The following TMEM135 variants were observed in gnomAD, a reference collection of about 807,000 sequenced individuals.
TMEM135 encodes the protein transmembrane protein 135.
TMEM135 carries 30 observed loss-of-function variants against 60.3 expected under a neutral mutation model. The observed-to-expected ratio is 0.50, with a 90% CI of 0.37 to 0.68. TMEM135 has a LOEUF of 0.68. Ranked by LOEUF, TMEM135 falls within the 30% of genes least tolerant of loss-of-function variation. TMEM135 has a pLI of 0.00. For missense variants in TMEM135, 468 were observed against 548.8 expected (o/e 0.85, Z 1.47); for synonymous variants, 190 against 186.7 (o/e 1.02, Z -0.14).
intron 5 of TMEM135, among the ~76,000 whole-genome samples, chr11:87,206,860 A>G (rs975381917): frequency 1.1e-4 from 17 of 152,126 alleles, no homozygotes; most frequent in African/African-American, 3.9e-4. Context: ...CTCTGTGCCT[A>G]GAGGCTTTAT....
rs546140257 is a variant in TMEM135, at chr11:87,328,470, G to T, written c.*7137G>T. On this transcript the variant is annotated 3_prime_UTR_variant, in exon 15 of 15. Coordinates refer to ENST00000305494, the MANE Select transcript of TMEM135 (RefSeq NM_022918.4). The stretch of plus-strand genomic sequence containing the variant: ...AGTGCACCTGTCACCAGAATAGTGT[G>T]CATTGTACCCAATATATAGCTTTTT... 2.2e-6 allele frequency: 1 copy of T among 454,062 alleles called. No homozygotes were observed. The highest frequency in any genetic ancestry group is 4.4e-6 in the Non-Finnish European group (1 of 226,772). 28.1% of individuals were successfully genotyped at this position (454,062 alleles called of 1,614,324 possible).
At chr11:87,254,770 A>G (rs1459314115) in intron 6 of TMEM135, among the ~76,000 whole-genome samples, 1 of 152,134 alleles carries the variant, frequency 6.6e-6, no homozygotes, top group Non-Finnish European at 1.5e-5. Flanking sequence ...ATTTGGAGCT[A>G]GAGTTCAGTG....
intron 4 of TMEM135, among the ~76,000 whole-genome samples, chr11:87,118,295 G>A (rs1857942633): frequency 6.6e-6 from 1 of 152,128 alleles, no homozygotes; most frequent in Non-Finnish European, 1.5e-5. Flanking sequence ...TTCTCTAAAG[G>A]TTTGAAGCCA....
intron 5 of TMEM135, chr11:87,178,309 G>A (rs11235005): frequency 0.011 from 4,730 of 426,988 alleles, 39 homozygotes; most frequent in Non-Finnish European, 0.017. Flanking sequence ...CCTGTGCCAG[G>A]AACTAGGAAC....
intron 6 of TMEM135, among the ~76,000 whole-genome samples, chr11:87,287,434 T>G (rs2135426262): frequency 6.6e-6 from 1 of 152,292 alleles, no homozygotes; most frequent in Middle Eastern, 3.4e-3. Context: ...ATCCCAGCAC[T>G]TTGGGAGGCT....
chr11:87,058,709 T>G (rs1949917384), intron 1 of TMEM135, among the ~76,000 whole-genome samples: 1 of 152,174 alleles, frequency 6.6e-6, no homozygotes, highest in Admixed American at 6.5e-5. Context: ...AAGCCCCACC[T>G]CCTGGGTTCA....
intron 3 of TMEM135, among the ~76,000 whole-genome samples, chr11:87,089,188 A>G (rs1219056672): frequency 6.6e-6 from 1 of 152,214 alleles, no homozygotes; most frequent in Non-Finnish European, 1.5e-5. Flanking sequence ...AAACACTTCT[A>G]GTCTCAGGCA....
At chr11:87,057,813 GTGTT>G (rs369159802) in intron 1 of TMEM135, among the ~76,000 whole-genome samples, 4 of 151,492 alleles carry the variant, frequency 2.6e-5, no homozygotes, top group Non-Finnish European at 4.4e-5. Flanking sequence ...GTGTGTGTGT[GTGTT>G]TGTGTGTGTG....
chr11:87,182,939 A>G (rs1939555643), intron 5 of TMEM135, among the ~76,000 whole-genome samples: 1 of 152,166 alleles, frequency 6.6e-6, no homozygotes, highest in South Asian at 2.1e-4. Flanking sequence ...GGTATTAGAT[A>G]GAATTTTTAA....
At chr11:87,057,795 C>CTGTG (rs35519502) in intron 1 of TMEM135, among the ~76,000 whole-genome samples, 10 of 75,678 alleles carry the variant, frequency 1.3e-4, no homozygotes, top group South Asian at 7.8e-4. Flanking sequence ...ACAGAAGCCT[C>CTGTG]TGTGTGTGTG....
At chr11:87,142,505 C>G (rs1027549149) in intron 4 of TMEM135, among the ~76,000 whole-genome samples, 1 of 152,178 alleles carries the variant, frequency 6.6e-6, no homozygotes, top group Admixed American at 6.6e-5. Context: ...GATTGACAAT[C>G]CGGCATCTAC....
At chr11:87,064,890 A>G (rs980599583) in intron 1 of TMEM135, among the ~76,000 whole-genome samples, 2 of 152,220 alleles carry the variant, frequency 1.3e-5, no homozygotes, top group African/African-American at 4.8e-5. Flanking sequence ...GTCTCAAAAA[A>G]GAAACCCAAA....
chr11:87,057,663 C>G (rs1304752825), intron 1 of TMEM135, among the ~76,000 whole-genome samples: 1 of 152,038 alleles, frequency 6.6e-6, no homozygotes, highest in Non-Finnish European at 1.5e-5. Flanking sequence ...GTCTATAATA[C>G]TTGGTTTCTT....
intron 4 of TMEM135, among the ~76,000 whole-genome samples, chr11:87,103,417 G>A (rs1402088462): frequency 2.7e-5 from 4 of 150,040 alleles, no homozygotes; most frequent in African/African-American, 4.9e-5. Flanking sequence ...ATTTTAATTT[G>A]CATTTCCCTA....
intron 6 of TMEM135, among the ~76,000 whole-genome samples, chr11:87,238,678 T>G (rs144165366): frequency 2.5e-4 from 38 of 152,228 alleles, no homozygotes; most frequent in Admixed American, 2.2e-3. Flanking sequence ...ACTTCTTAAT[T>G]GTATTCAGAC....
chr11:87,187,979 T>C (rs1939695018), intron 5 of TMEM135, among the ~76,000 whole-genome samples: 1 of 152,238 alleles, frequency 6.6e-6, no homozygotes, highest in Non-Finnish European at 1.5e-5. Flanking sequence ...TGTCTTTGTT[T>C]AGAAATAGTG....
In TMEM135 at chr11:87,328,426, T is replaced by G. The variant is rs909440002; in HGVS notation, c.*7093T>G. ...TTGGTTGCATGGATGAATTGTATAT[T>G]GGTGAAGTCTGAAATTTTAGTGCAC... On this transcript the variant is annotated 3_prime_UTR_variant, in exon 15 of 15. Transcript: ENST00000305494. The G allele has an allele frequency of 7.5e-5, 34 of 454,000 alleles. No individual in the cohort carries two copies. The highest frequency in any genetic ancestry group is 1.4e-4 in the Non-Finnish European group (32 of 226,798). The allele number at this position is 454,000 out of a possible 1,614,324, so 28.1% of individuals were successfully genotyped here.
intron 4 of TMEM135, among the ~76,000 whole-genome samples, chr11:87,132,723 A>T (rs1186661735): frequency 1.3e-5 from 2 of 152,196 alleles, no homozygotes; most frequent in African/African-American, 4.8e-5. Context: ...ATAGGCTTGC[A>T]GTAGTCCCTG....
chr11:87,279,902 T>C (rs548679745), intron 6 of TMEM135, among the ~76,000 whole-genome samples: 39 of 152,292 alleles, frequency 2.6e-4, no homozygotes, highest in Non-Finnish European at 4.6e-4. Flanking sequence ...CCTGAGTGAA[T>C]AGTGATAAAT....
Sources: gnomAD v4.1 joint callset for allele counts (sites outside exome capture counted in the v4.1 genomes callset) on GRCh38, gnomAD v4.1.1 for gene constraint, MANE v1.5 for transcripts, NCBI Gene and HGNC (gene_info 2026-07-23, HGNC 2026-07-21) for gene names.